Variants in LTBP1 observed in about 807,000 individuals in gnomAD.
LTBP1 encodes the protein latent-transforming growth factor beta-binding protein 1.
LTBP1 carries 129 observed loss-of-function variants against 207.6 expected under a neutral mutation model. The ratio of observed to expected loss-of-function variants is 0.62; its 90% CI spans 0.54 to 0.72. The LOEUF (loss-of-function observed/expected upper bound fraction) is 0.72, where lower values mean the gene tolerates loss of function less well. LTBP1 is among the 30% of genes least tolerant of loss of function. The pLI, the probability that LTBP1 is intolerant of heterozygous loss-of-function variation, is 0.00. For synonymous variants in LTBP1, 963 were observed against 833.7 expected, an observed-to-expected ratio of 1.16 and a Z score of -2.67; for missense variants, 2,281 against 2,217.2, an observed-to-expected ratio of 1.03 and a Z score of -0.58.
chr2:32,947,258 G>C lies in LTBP1; in HGVS notation c.-67G>C, dbSNP rs1676308325. The C allele has an allele frequency of 2.6e-6, 3 of 1,165,416 alleles. No individual in the cohort carries two copies. The highest frequency in any genetic ancestry group is 3.2e-6 in the Non-Finnish European group (3 of 934,586). 72.2% of individuals were successfully genotyped at this position (1,165,416 alleles called of 1,614,324 possible). A position where few individuals can be genotyped will look rare whatever the true frequency, so the allele number is the denominator to read the frequency against. ...GGGGGAGCCCGAACGCGCGGGGAAA[G>C]GCGAGCCGCACGGCCGGGGGAGGGG... On this transcript the variant is annotated 5_prime_UTR_variant, in exon 1 of 34. Transcript: ENST00000404816.
intron 31 of LTBP1, among the ~76,000 whole-genome samples, chr2:33,378,183 ATATGTGTGTG>A (rs775801432): frequency 0.016 from 2,144 of 136,442 alleles, 25 homozygotes; most frequent in Non-Finnish European, 0.02. Flanking sequence ...ATATATATAT[ATATGTGTGTG>A]TGTGTGTGTG....
chr2:33,365,301 C>T lies in LTBP1; in HGVS notation c.4541-32C>T, dbSNP rs761192022. 33 of 1,597,396 alleles carry T rather than the reference C, an allele frequency of 2.1e-5. No individual in the cohort carries two copies. The Admixed American group carries it at 4.4e-4, about 21-fold the overall frequency. On this transcript the variant is annotated intron_variant, in intron 30 of 33. Coordinates refer to ENST00000404816, the MANE Select transcript of LTBP1 (RefSeq NM_206943.4). ...GTGTTTATAAATAGGAATAACTGTG[C>T]GATTTTCATGGAACTATGTCTTCCC...
intron 31 of LTBP1, among the ~76,000 whole-genome samples, chr2:33,370,868 C>T (rs140591265): frequency 1.2e-4 from 18 of 152,302 alleles, no homozygotes; most frequent in African/African-American, 4.1e-4. Context: ...TTGTCATCAG[C>T]TTTAAGCATT....
At chr2:33,280,563 G>A (rs566128763) in intron 19 of LTBP1, among the ~76,000 whole-genome samples, 1 of 152,250 alleles carries the variant, frequency 6.6e-6, no homozygotes, top group East Asian at 1.9e-4. Context: ...TAGTGCTTTA[G>A]GCACTGAGGA....
intron 2 of LTBP1, among the ~76,000 whole-genome samples, chr2:32,993,364 A>G (rs148859589): frequency 2.0e-5 from 3 of 152,322 alleles, no homozygotes; most frequent in Non-Finnish European, 2.9e-5. Flanking sequence ...TAGAGTTCTC[A>G]GGAAAAAACG....
chr2:33,022,268 T>TTTC (rs2075212177), intron 3 of LTBP1, among the ~76,000 whole-genome samples: 1 of 150,198 alleles, frequency 6.7e-6, no homozygotes, highest in Non-Finnish European at 1.5e-5. Flanking sequence ...CAATCCTCTT[T>TTTC]TTTTTTTTTT....
intron 7 of LTBP1, among the ~76,000 whole-genome samples, chr2:33,200,909 A>G (rs1181178292): frequency 6.6e-6 from 1 of 152,222 alleles, no homozygotes; most frequent in African/African-American, 2.4e-5. Context: ...GAGAAATACA[A>G]ATCAAAACCA....
chr2:33,228,697 C>T lies in LTBP1; in HGVS notation c.1876+6546C>T, dbSNP rs1341692024. Among the ~76,000 whole-genome samples the T allele has an allele frequency of 4.0e-4, 40 of 99,048 alleles. 6 individuals are homozygous for T. Among genetic ancestry groups the T allele is most frequent in the Admixed American group, 1.5e-3 (12 of 8,002 alleles). 65.0% of individuals were successfully genotyped at this position (99,048 alleles called of 152,430 possible). ...TAATAAGCCCAACCAGGGTTATACC[C>T]TTTTTTTTTTTTTTTTTTTTTGAGA... is the stretch of plus-strand genomic sequence containing the variant. On this transcript the variant is annotated intron_variant, in intron 9 of 33. Coordinates refer to ENST00000404816, the MANE Select transcript of LTBP1 (RefSeq NM_206943.4).
At chr2:33,046,791 C>G (rs1325862272) in intron 3 of LTBP1, among the ~76,000 whole-genome samples, 1 of 152,060 alleles carries the variant, frequency 6.6e-6, no homozygotes, top group Non-Finnish European at 1.5e-5. Flanking sequence ...AATTTCAGAA[C>G]TTGTTATTGG....
chr2:33,211,286 G>T (rs1285321881), intron 7 of LTBP1, among the ~76,000 whole-genome samples: 3 of 152,118 alleles, frequency 2.0e-5, no homozygotes, highest in Non-Finnish European at 4.4e-5. Flanking sequence ...TTTAATGCTG[G>T]TTATAGGTTT....
intron 3 of LTBP1, among the ~76,000 whole-genome samples, chr2:33,046,083 G>A (rs561204525): frequency 4.0e-5 from 6 of 151,866 alleles, no homozygotes; most frequent in Admixed American, 2.6e-4. Context: ...GACTTCTCTC[G>A]TCCTATTTGA....
intron 9 of LTBP1, among the ~76,000 whole-genome samples, chr2:33,233,695 G>A (rs949247663): frequency 6.6e-6 from 1 of 152,000 alleles, no homozygotes; most frequent in Non-Finnish European, 1.5e-5. Flanking sequence ...TATAATGATA[G>A]CTTCTGACCC....
intron 9 of LTBP1, among the ~76,000 whole-genome samples, chr2:33,230,882 C>T (rs1480887712): frequency 8.5e-6 from 1 of 118,056 alleles, no homozygotes. Flanking sequence ...TTATTTGCTA[C>T]ATTTTTGGCA....
chr2:33,090,810 C>T lies in LTBP1; in HGVS notation c.864-19772C>T, dbSNP rs557828081. On this transcript the variant is annotated intron_variant, in intron 3 of 33. Coordinates refer to ENST00000404816, the MANE Select transcript of LTBP1 (RefSeq NM_206943.4). ...AAAATAGCAATGAAATATAACTCAA[C>T]GCCATTTCATATAGCTCTGCAAGGA... 2.4e-4 allele frequency among the ~76,000 whole-genome samples: 36 copies of T among 152,310 alleles called. 1 individual carries two copies. In the East Asian group the frequency reaches 3.7e-3, roughly 16 times the overall value.
Position 32,948,106 on chromosome 2 carries a change from A to G in LTBP1, c.494+288A>G, listed in dbSNP as rs113308440. Among the ~76,000 whole-genome samples, 257 of 152,304 alleles carry G rather than the reference A, an allele frequency of 1.7e-3. 1 individual carries two copies. The highest frequency in any genetic ancestry group is 2.8e-3 in the Non-Finnish European group (192 of 68,016). On this transcript the variant is annotated intron_variant, in intron 1 of 33. Transcript: ENST00000404816. Reference sequence around the variant, plus strand: ...GCGTAACCTTCTGCGCGCAAACCCAACTGCTTCTAGAAGATGGGCGTAAAC... The same window carrying G: ...GCGTAACCTTCTGCGCGCAAACCCAGCTGCTTCTAGAAGATGGGCGTAAAC...
At chr2:33,173,297 A>G (rs1326906891) in intron 5 of LTBP1, among the ~76,000 whole-genome samples, 1 of 151,582 alleles carries the variant, frequency 6.6e-6, no homozygotes, top group Non-Finnish European at 1.5e-5. Context: ...AATCAAATAG[A>G]CGCAATAAAA....
chr2:33,260,554 A>T (rs2092982836), intron 13 of LTBP1, among the ~76,000 whole-genome samples: 2 of 152,242 alleles, frequency 1.3e-5, no homozygotes, highest in Admixed American at 6.5e-5. Context: ...ATTATGGGAT[A>T]GAGTAACATA....
At chr2:33,342,045 C>T (rs780161125) in intron 24 of LTBP1, among the ~76,000 whole-genome samples, 1 of 151,638 alleles carries the variant, frequency 6.6e-6, no homozygotes, top group Non-Finnish European at 1.5e-5. Context: ...CCAAGGAGAA[C>T]GGGAAGGAAA....
intron 2 of LTBP1, among the ~76,000 whole-genome samples, chr2:32,974,207 A>G (rs1045872288): frequency 6.6e-6 from 1 of 152,196 alleles, no homozygotes; most frequent in Admixed American, 6.5e-5. Flanking sequence ...GCTAATTTAC[A>G]TTCCATGAAC....
Sources: allele counts gnomAD v4.1 joint callset (sites outside exome capture counted in the v4.1 genomes callset), GRCh38; gene constraint gnomAD v4.1.1; transcripts MANE v1.5; gene names NCBI Gene and HGNC (gene_info 2026-07-23, HGNC 2026-07-21).